The following NAALADL2 variants were observed in gnomAD, a reference collection of about 807,000 sequenced individuals.
The protein encoded by NAALADL2 is inactive N-acetylated-alpha-linked acidic dipeptidase-like protein 2.
NAALADL2 carries 76 observed loss-of-function variants against 87.2 expected under a neutral mutation model. The observed-to-expected ratio is 0.87, with a 90% CI of 0.72 to 1.05. The LOEUF is 1.05. Ranked by LOEUF, NAALADL2 falls within the 50% of genes least tolerant of loss-of-function variation. The pLI, the probability that NAALADL2 is intolerant of heterozygous loss-of-function variation, is 0.00. For synonymous variants in NAALADL2, 354 were observed against 331.0 expected (o/e 1.07, Z -0.75); for missense variants, 1,089 against 945.8 (o/e 1.15, Z -1.99).
chr3:175,114,346 G>A (rs543083834), intron 2 of NAALADL2, among the ~76,000 whole-genome samples: 184 of 151,694 alleles, frequency 1.2e-3, no homozygotes, highest in African/African-American at 4.2e-3. Flanking sequence ...AACCCAACCT[G>A]AGAAAAAACC....
chr3:174,605,374 C>G (rs184255628), intron 2 of NAALADL2, among the ~76,000 whole-genome samples: 4 of 152,180 alleles, frequency 2.6e-5, no homozygotes, highest in African/African-American at 9.6e-5. Context: ...CATTGCCTCA[C>G]TCGGGAAGCA....
intron 10 of NAALADL2, among the ~76,000 whole-genome samples, chr3:175,600,900 G>C (rs1722899159): frequency 1.3e-5 from 2 of 152,130 alleles, no homozygotes; most frequent in Admixed American, 1.3e-4. Flanking sequence ...ATTATATTCT[G>C]TGACAAATGG....
chr3:175,707,344 T>C (rs1739856010), intron 11 of NAALADL2, among the ~76,000 whole-genome samples: 1 of 152,080 alleles, frequency 6.6e-6, no homozygotes, highest in Non-Finnish European at 1.5e-5. Context: ...AGTCATGAAA[T>C]ATTGTTCTTT....
At chr3:174,885,914 T>G (rs1730076384) in intron 1 of NAALADL2, among the ~76,000 whole-genome samples, 1 of 47,346 alleles carries the variant, frequency 2.1e-5, no homozygotes, top group Non-Finnish European at 3.9e-5. Context: ...TTTTTTTTTT[T>G]TTTTTTTTTT....
chr3:174,588,800 TCCCAGTTAGGCTACTCAGGGGTCAGGGA>T (rs1717024301), intron 2 of NAALADL2, among the ~76,000 whole-genome samples: 1 of 152,158 alleles, frequency 6.6e-6, no homozygotes, highest in East Asian at 1.9e-4. Context: ...GGGGGGTGCC[TCCCAGTTAGGCTACTCAGGGGTCAGGGA>T]CCCACTTGAG....
At chr3:175,393,567 C>A (rs115372917) in intron 5 of NAALADL2, among the ~76,000 whole-genome samples, 4 of 151,872 alleles carry the variant, frequency 2.6e-5, no homozygotes, top group Admixed American at 2.6e-4. Flanking sequence ...TGTTAACATG[C>A]GGTGAATCTA....
Position 175,328,742 on chromosome 3 carries a change from A to C in NAALADL2, c.1090+4417A>C, listed in dbSNP as rs151179190. ...TATTTACATATCTAGTCATAATTAT[A>C]ATACCAGTGATAGGTTGTAGTTGGA... is the stretch of plus-strand genomic sequence containing the variant. On this transcript the variant is annotated intron_variant, in intron 5 of 13. Coordinates refer to ENST00000454872, the MANE Select transcript of NAALADL2 (RefSeq NM_207015.3). Among the ~76,000 whole-genome samples the C allele has an allele frequency of 2.6e-5, 4 of 152,344 alleles. No homozygotes were observed. In the East Asian group the frequency reaches 7.7e-4, roughly 29 times the overall value.
Position 174,508,129 on chromosome 3 carries a change from T to C in NAALADL2, c.-183-42440T>C, listed in dbSNP as rs542759177. 1.4e-4 allele frequency among the ~76,000 whole-genome samples: 20 copies of C among 148,090 alleles called. 1 individual carries two copies. The East Asian group carries it at 3.4e-3, about 25-fold the overall frequency. On this transcript the variant is annotated intron_variant, in intron 1 of 3. Coordinates refer to the NAALADL2 transcript ENST00000434257. ...ATATCTAGTGGTTTTTTTTTTTTTT[T>C]TTGAGACGAAGTCTTGCTCTGTTGC...
chr3:175,701,347 A>G (rs965727177), intron 11 of NAALADL2, among the ~76,000 whole-genome samples: 1 of 152,110 alleles, frequency 6.6e-6, no homozygotes, highest in African/African-American at 2.4e-5. Flanking sequence ...GATTGCTTAA[A>G]GTTTTGGTTT....
In NAALADL2 at chr3:175,028,004, G is replaced by A. The variant is rs569537203; in HGVS notation, c.44-68786G>A. 6.1e-4 allele frequency among the ~76,000 whole-genome samples: 93 copies of A among 151,942 alleles called. 1 individual carries two copies. The highest frequency in any genetic ancestry group is 1.9e-3 in the African/African-American group (77 of 41,480). On this transcript the variant is annotated intron_variant, in intron 1 of 13. Coordinates refer to ENST00000454872, the MANE Select transcript of NAALADL2 (RefSeq NM_207015.3). ...GCAATGCGAGTCAATACAAGTAAGG[G>A]CATTTTTAGCTAGAAGCTGAAATTA... is the stretch of plus-strand genomic sequence containing the variant.
At chr3:174,540,190 G>A (rs1560041619) in intron 1 of NAALADL2, among the ~76,000 whole-genome samples, 1 of 151,950 alleles carries the variant, frequency 6.6e-6, no homozygotes, top group East Asian at 1.9e-4. Flanking sequence ...GTAAGAGGGG[G>A]AAAAAAAGCA....
At chr3:174,821,378 A>G (rs986172398) in intron 3 of NAALADL2, among the ~76,000 whole-genome samples, 4 of 152,228 alleles carry the variant, frequency 2.6e-5, no homozygotes, top group Admixed American at 6.5e-5. Flanking sequence ...TACTTGGCAT[A>G]TAGTAGATGA....
intron 5 of NAALADL2, among the ~76,000 whole-genome samples, chr3:175,435,264 C>A (rs1718427641): frequency 6.6e-6 from 1 of 151,926 alleles, no homozygotes; most frequent in Non-Finnish European, 1.5e-5. Context: ...ACGTTAATGA[C>A]CATCATCCAC....
At position 174,655,956 on chromosome 3, in the gene NAALADL2, C is replaced by A. The variant is rs554821605; in HGVS notation, c.-114-81685C>A. ...TTGTTCTTACCGGTGGATACATAAA[C>A]TTATCATAGCTATTTATGTATCACT... On this transcript the variant is annotated intron_variant, in intron 2 of 3. Coordinates refer to the NAALADL2 transcript ENST00000434257. 9.9e-5 allele frequency among the ~76,000 whole-genome samples: 15 copies of A among 152,276 alleles called. No individual in the cohort carries two copies. In the South Asian group the frequency reaches 1.2e-3, roughly 13 times the overall value.
chr3:174,539,935 G>C (rs1722062562), intron 1 of NAALADL2, among the ~76,000 whole-genome samples: 1 of 136,276 alleles, frequency 7.3e-6, no homozygotes, highest in Admixed American at 8.3e-5. Context: ...TTGTCCACAG[G>C]GTAATTGTAA....
upstream of NAALADL2, among the ~76,000 whole-genome samples, chr3:174,855,864 ATATG>A (rs1725794848): frequency 6.7e-6 from 1 of 149,304 alleles, no homozygotes; most frequent in Admixed American, 6.7e-5. Flanking sequence ...ATATGTGTAT[ATATG>A]TATATATACA....
chr3:175,407,828 A>G (rs2149080599), intron 5 of NAALADL2, among the ~76,000 whole-genome samples: 1 of 152,294 alleles, frequency 6.6e-6, no homozygotes, highest in Non-Finnish European at 1.5e-5. Flanking sequence ...ATTAAGTTCC[A>G]TCAGTCTTGT....
At chr3:175,417,517 G>A (rs1714856628) in intron 5 of NAALADL2, among the ~76,000 whole-genome samples, 1 of 149,810 alleles carries the variant, frequency 6.7e-6, no homozygotes, top group African/African-American at 2.5e-5. Flanking sequence ...GTAGGATAAT[G>A]AGTTTTAAAA....
intron 4 of NAALADL2, among the ~76,000 whole-genome samples, chr3:175,314,399 C>A (rs1208331307): frequency 6.6e-6 from 1 of 151,102 alleles, no homozygotes; most frequent in African/African-American, 2.4e-5. Flanking sequence ...CCACACTCTT[C>A]ATCTCTACTC....
Sources: gnomAD v4.1 joint callset for allele counts (sites outside exome capture counted in the v4.1 genomes callset) on GRCh38, gnomAD v4.1.1 for gene constraint, MANE v1.5 for transcripts, NCBI Gene and HGNC (gene_info 2026-07-23, HGNC 2026-07-21) for gene names.